The following VPS13D variants were observed in gnomAD, a reference collection of about 807,000 sequenced individuals.
VPS13D encodes the protein vacuolar protein sorting 13 homolog D.
A neutral mutation model predicts 461.9 loss-of-function variants in VPS13D; 187 were observed. The observed-to-expected ratio is 0.40, with a 90% CI of 0.36 to 0.46. The LOEUF is 0.46. VPS13D is among the 20% of genes least tolerant of loss of function. VPS13D has a pLI of 0.60. For synonymous variants in VPS13D, 1,951 were observed against 1,986.3 expected, an observed-to-expected ratio of 0.98 and a Z score of 0.47; for missense variants, 4,711 against 5,364.9, an observed-to-expected ratio of 0.88 and a Z score of 3.81.
rs1241544054 is a variant in VPS13D, at chr1:12,279,037, G to T, written c.4451-462G>T. On this transcript the variant is annotated intron_variant, in intron 19 of 69. Coordinates refer to ENST00000620676, the MANE Select transcript of VPS13D (RefSeq NM_015378.4). The surrounding 1 kb of genome is among the most constrained non-coding windows in gnomAD (Gnocchi z 4.3). ...TTGTTTTTATACTTATCAAAAGATA[G>T]CTTTCTCTGCTTGGATAAAAGTTGT... is the stretch of plus-strand genomic sequence containing the variant. Among the ~76,000 whole-genome samples the T allele has an allele frequency of 5.3e-5, 8 of 152,150 alleles. No homozygotes were observed. Among genetic ancestry groups the T allele is most frequent in the Admixed American group, 5.2e-4 (8 of 15,272 alleles).
chr1:12,251,540 A>G (rs538795691), intron 6 of VPS13D, among the ~76,000 whole-genome samples: 24 of 152,276 alleles, frequency 1.6e-4, no homozygotes, highest in African/African-American at 5.8e-4. Context: ...TGTACAGTAC[A>G]CCGGGGCAAA....
chr1:12,509,206 C>G lies in VPS13D; in HGVS notation c.*182C>G, dbSNP rs1375664910. The G allele has an allele frequency of 8.6e-6, 6 of 697,400 alleles. No individual in the cohort carries two copies. Among genetic ancestry groups the G allele is most frequent in the Non-Finnish European group, 1.1e-5 (5 of 452,870 alleles). The allele number at this position is 697,400 out of a possible 1,614,324, so 43.2% of individuals were successfully genotyped here. A position where few individuals can be genotyped will look rare whatever the true frequency, so the allele number is the denominator to read the frequency against. On this transcript the variant is annotated 3_prime_UTR_variant, in exon 70 of 70. Transcript: ENST00000620676. ...ATGGAAATCGTATTAATTTGTGAGG[C>G]AGGGAGTTATTTTAGATTATGGGAA...
chr1:12,454,253 T>A (rs890455575), intron 65 of VPS13D, among the ~76,000 whole-genome samples: 9 of 152,222 alleles, frequency 5.9e-5, no homozygotes, highest in African/African-American at 2.2e-4. Context: ...TTTGGTCAGA[T>A]GCCCCAGCTT....
chr1:12,291,198 C>T (rs1331947952), intron 23 of VPS13D, 74 bp downstream of exon 23: 12 of 1,513,698 alleles, frequency 7.9e-6, no homozygotes, highest in African/African-American at 2.8e-5. Flanking sequence ...GTTGGCTAGA[C>T]AATAAAGAAA....
chr1:12,254,232 G>A (rs1450374036), intron 7 of VPS13D, among the ~76,000 whole-genome samples: 1 of 151,942 alleles, frequency 6.6e-6, no homozygotes, highest in Non-Finnish European at 1.5e-5. Flanking sequence ...GTAGAGATGG[G>A]GTCTCACTCT....
At chr1:12,491,804 G>A (rs895557951) in intron 67 of VPS13D, among the ~76,000 whole-genome samples, 1 of 152,182 alleles carries the variant, frequency 6.6e-6, no homozygotes, top group African/African-American at 2.4e-5. Flanking sequence ...TGACATTCTG[G>A]ATTAGCTGGT....
chr1:12,381,713 C>T (rs1369913738), intron 57 of VPS13D, among the ~76,000 whole-genome samples: 2 of 152,178 alleles, frequency 1.3e-5, no homozygotes, highest in South Asian at 2.1e-4. Context: ...GTAACCAATC[C>T]AGCTGTTTAC....
chr1:12,232,323 C>G (rs1389803902), intron 1 of VPS13D, among the ~76,000 whole-genome samples: 1 of 152,132 alleles, frequency 6.6e-6, no homozygotes, highest in Non-Finnish European at 1.5e-5. Context: ...TTGTGGAGGC[C>G]TTGTGCTTCA....
intron 60 of VPS13D, among the ~76,000 whole-genome samples, chr1:12,394,688 A>T (rs1416946629): frequency 6.6e-6 from 1 of 151,704 alleles, no homozygotes. Context: ...TGGCTAATCC[A>T]CTCCACCATC....
At chr1:12,289,524 T>C (rs1454284994) in intron 22 of VPS13D, among the ~76,000 whole-genome samples, 1 of 151,998 alleles carries the variant, frequency 6.6e-6, no homozygotes, top group African/African-American at 2.4e-5. Context: ...TTTCATGCCT[T>C]GTGCAATTAT....
intron 20 of VPS13D, among the ~76,000 whole-genome samples, chr1:12,280,020 A>C (rs1641730507): frequency 6.6e-6 from 1 of 152,182 alleles, no homozygotes; most frequent in South Asian, 2.1e-4. Context: ...CATTGTGATC[A>C]TCTGAGCTGT....
intron 37 of VPS13D, among the ~76,000 whole-genome samples, chr1:12,332,539 G>T (rs1020461172): frequency 6.6e-6 from 1 of 152,168 alleles, no homozygotes; most frequent in African/African-American, 2.4e-5. Flanking sequence ...CTTAAGAAAG[G>T]TATATATGCT....
At position 12,416,668 on chromosome 1, in the gene VPS13D, C is replaced by T; in HGVS notation, c.12174C>T (p.Leu4058=). 2 of 1,613,408 alleles carry T rather than the reference C, an allele frequency of 1.2e-6. No individual in the cohort carries two copies. Among genetic ancestry groups the T allele is most frequent in the Non-Finnish European group, 1.7e-6 (2 of 1,179,744 alleles). The change falls in exon 65 of 70, where the codon CTC becomes CTT. Residue 4058 remains leucine, a synonymous_variant. Transcript: ENST00000620676. ...DILKHFQEEL[L]SQAARILGSV... is the part of the protein sequence containing the mutation. ...CCTGTTCCATTTGGCAGGAACTCCT[C>T]AGCCAGGCAGCTCGAATCCTGGGAT...
chr1:12,235,055 T>C (rs1301232423), intron 2 of VPS13D, among the ~76,000 whole-genome samples: 3 of 152,204 alleles, frequency 2.0e-5, no homozygotes, highest in Non-Finnish European at 4.4e-5. Flanking sequence ...TAAATTCTCT[T>C]TGCTCAGCTC....
chr1:12,233,603 A>G (rs1302177985), intron 1 of VPS13D, among the ~76,000 whole-genome samples: 2 of 152,250 alleles, frequency 1.3e-5, no homozygotes, highest in African/African-American at 4.8e-5. Context: ...ATGGACAGTT[A>G]CACTGAAAAG....
Position 12,249,321 on chromosome 1 carries a change from A to G in VPS13D, c.546A>G (p.Gln182=), listed in dbSNP as rs369881745. 8.1e-6 allele frequency: 13 copies of G among 1,613,296 alleles called. No individual in the cohort carries two copies. In the African/African-American group the frequency reaches 1.6e-4, roughly 20 times the overall value. Residue 182 remains glutamine (Q), a synonymous_variant, in exon 6 of 70, where the codon CAA becomes CAG. Coordinates refer to ENST00000620676, the MANE Select transcript of VPS13D (RefSeq NM_015378.4). ...FGICIKNVSM[Q]NAVNEPVQKL... Reference sequence around the variant, plus strand: ...TCTGCATTAAGAATGTGTCCATGCAAAATGCTGTGAATGAGCCTGTGAGTA... The same window carrying G: ...TCTGCATTAAGAATGTGTCCATGCAGAATGCTGTGAATGAGCCTGTGAGTA...
At chr1:12,484,832 CTTTT>C (rs966241727) in intron 67 of VPS13D, among the ~76,000 whole-genome samples, 6 of 148,322 alleles carry the variant, frequency 4.0e-5, no homozygotes, top group Non-Finnish European at 4.5e-5. Context: ...GAATCCGAAT[CTTTT>C]TTTTTTTCTA....
At chr1:12,368,098 T>G (rs1284070548) in intron 52 of VPS13D, among the ~76,000 whole-genome samples, 2 of 152,144 alleles carry the variant, frequency 1.3e-5, no homozygotes, top group Non-Finnish European at 2.9e-5. Flanking sequence ...ATTCTCTAAT[T>G]TCCTCTACAT....
chr1:12,422,727 G>C (rs773101359), intron 65 of VPS13D, among the ~76,000 whole-genome samples: 3 of 152,046 alleles, frequency 2.0e-5, no homozygotes, highest in Non-Finnish European at 4.4e-5. Context: ...ATTGTCTTCT[G>C]TATGTTAAGC....
Sources: allele counts gnomAD v4.1 joint callset (sites outside exome capture counted in the v4.1 genomes callset), GRCh38; gene constraint gnomAD v4.1.1; non-coding constraint Gnocchi (gnomAD v3.1); transcripts MANE v1.5; gene names NCBI Gene and HGNC (gene_info 2026-07-23, HGNC 2026-07-21).